PLPPR5: variants seen among roughly 807,000 people sequenced by gnomAD.
PLPPR5 encodes the protein phospholipid phosphatase-related protein type 5.
Under a neutral mutation model 33.9 loss-of-function variants are expected in PLPPR5, and 16 were observed. The observed-to-expected ratio is 0.47, with a 90% CI of 0.32 to 0.72. PLPPR5 has a LOEUF of 0.72. Among genes scored for constraint, PLPPR5 ranks in the 30% least tolerant of loss-of-function variants. PLPPR5 has a pLI of 0.03. For missense variants in PLPPR5, 301 were observed against 406.7 expected (o/e 0.74, Z 2.23); for synonymous variants, 163 against 150.3 (o/e 1.08, Z -0.62).
At chr1:98,969,004 T>A (rs1651552491) in intron 1 of PLPPR5, among the ~76,000 whole-genome samples, 1 of 152,092 alleles carries the variant, frequency 6.6e-6, no homozygotes, top group African/African-American at 2.4e-5. Flanking sequence ...AATTTATGAG[T>A]ATAGTTTCCT....
intron 5 of PLPPR5, among the ~76,000 whole-genome samples, chr1:98,899,605 C>T (rs1276597229): frequency 6.6e-6 from 1 of 150,712 alleles, no homozygotes; most frequent in African/African-American, 2.4e-5. Context: ...TAGAGTTACA[C>T]AATGCATAAA....
intron 1 of PLPPR5, among the ~76,000 whole-genome samples, chr1:98,967,614 TTAATTAATTAAG>T (rs1463624186): frequency 6.6e-6 from 1 of 152,042 alleles, no homozygotes; most frequent in Admixed American, 6.6e-5. Context: ...TCTTAATTAA[TTAATTAATTAAG>T]TCATATAACT....
intron 1 of PLPPR5, among the ~76,000 whole-genome samples, chr1:98,997,139 C>T (rs997532518): frequency 2.6e-5 from 4 of 152,050 alleles, no homozygotes; most frequent in Non-Finnish European, 4.4e-5. Flanking sequence ...AAATTATTAG[C>T]ATTTATGTAA....
rs111643785 is a variant in PLPPR5, at chr1:98,904,032, C to T, written c.933+10754G>A. 3.3e-3 allele frequency among the ~76,000 whole-genome samples: 501 copies of T among 152,160 alleles called. 2 individuals carry two copies. Among genetic ancestry groups the T allele is most frequent in the African/African-American group, 0.012 (478 of 41,528 alleles). On this transcript the variant is annotated intron_variant, in intron 5 of 5. Transcript: ENST00000263177. ...ATCCATATAATTTTTTTGGCAGTTG[C>T]CATGGGAATTAAACATGGTAATTTT...
At chr1:98,903,637 T>TA (rs796585914) in intron 5 of PLPPR5, among the ~76,000 whole-genome samples, 256 of 148,318 alleles carry the variant, frequency 1.7e-3, no homozygotes, top group South Asian at 4.0e-3. Context: ...AGTGTGAAAT[T>TA]AAAAAAAAAA....
At chr1:98,916,736 C>T (rs1313881546) in intron 4 of PLPPR5, among the ~76,000 whole-genome samples, 1 of 152,112 alleles carries the variant, frequency 6.6e-6, no homozygotes, top group Non-Finnish European at 1.5e-5. Flanking sequence ...ACAATAACAA[C>T]GATGATTATT....
At position 99,004,437 on chromosome 1, in the gene PLPPR5, C is replaced by G. The variant is rs369525525; in HGVS notation, c.235G>C (p.Val79Leu). ...YSLAAGVPVL[V>L]IIVGETAVFC... The stretch of plus-strand genomic sequence containing the variant: ...AGGGCGAGCGCCCCCGGGCTTACCA[C>G]GAGCACGGGGACCCCGGCGGCCAGC... The change falls in exon 1 of 6, where the codon GTG becomes CTG. Residue 79 changes from valine to leucine, a missense_variant and splice_region_variant. Coordinates refer to ENST00000263177, the MANE Select transcript of PLPPR5 (RefSeq NM_001037317.2). 2.8e-5 allele frequency: 45 copies of G among 1,602,722 alleles called. No individual in the cohort carries two copies. The South Asian group carries it at 3.0e-4, about 11-fold the overall frequency.
chr1:98,893,746 G>A (rs185490532), intron 5 of PLPPR5, among the ~76,000 whole-genome samples: 1 of 149,130 alleles, frequency 6.7e-6, no homozygotes, highest in East Asian at 2.0e-4. Flanking sequence ...ATACTGCAAT[G>A]AAAAACTACT....
intron 3 of PLPPR5, among the ~76,000 whole-genome samples, chr1:98,931,215 A>T (rs1050826112): frequency 2.0e-5 from 3 of 152,136 alleles, no homozygotes. Flanking sequence ...ATGCTAGCTT[A>T]TATGGGATAG....
intron 5 of PLPPR5, among the ~76,000 whole-genome samples, chr1:98,897,689 T>C (rs954011943): frequency 6.6e-6 from 1 of 152,160 alleles, no homozygotes; most frequent in Non-Finnish European, 1.5e-5. Flanking sequence ...AGCTGTGTGG[T>C]ACAGTGGTCT....
At chr1:98,945,443 T>C (rs1243975799) in intron 3 of PLPPR5, among the ~76,000 whole-genome samples, 2 of 152,164 alleles carry the variant, frequency 1.3e-5, no homozygotes, top group Non-Finnish European at 2.9e-5. Flanking sequence ...CACTGCACTC[T>C]GGGGATAACT....
At position 99,004,591 on chromosome 1, in the gene PLPPR5, C is replaced by T; in HGVS notation, c.81G>A (p.Ala27=). 1.9e-6 allele frequency: 3 copies of T among 1,613,052 alleles called. No homozygotes were observed. Among genetic ancestry groups the T allele is most frequent in the Non-Finnish European group, 2.5e-6 (3 of 1,179,828 alleles). Reference sequence around the variant, plus strand: ...ACGTGTCCGTATACTCGAAGTAGTACGCCAGCATCACCGTCCCTGCCATGA... The same window carrying T: ...ACGTGTCCGTATACTCGAAGTAGTATGCCAGCATCACCGTCCCTGCCATGA... ...MVIMAGTVML[A]YYFEYTDTFT... The change falls in exon 1 of 6, where the codon GCG becomes GCA. Residue 27 remains alanine, a synonymous_variant. Coordinates refer to ENST00000263177, the MANE Select transcript of PLPPR5 (RefSeq NM_001037317.2).
chr1:98,924,876 A>C (rs1203835223), intron 3 of PLPPR5, among the ~76,000 whole-genome samples: 1 of 152,206 alleles, frequency 6.6e-6, no homozygotes, highest in African/African-American at 2.4e-5. Context: ...TGGAGAGTGG[A>C]CAGTGGCTGA....
intron 1 of PLPPR5, among the ~76,000 whole-genome samples, chr1:98,979,330 C>G (rs1316507761): frequency 6.6e-6 from 1 of 152,060 alleles, no homozygotes; most frequent in Non-Finnish European, 1.5e-5. Context: ...GTTTTGGTTG[C>G]ATGACTGTGA....
At chr1:98,922,194 T>C (rs1162953888) in intron 3 of PLPPR5, 136 bp from the exon 4 acceptor site, 5 of 838,242 alleles carry the variant, frequency 6.0e-6, no homozygotes, top group African/African-American at 3.5e-5. Flanking sequence ...CTGGAGTTTA[T>C]GAAGTTTTTG....
intron 4 of PLPPR5, among the ~76,000 whole-genome samples, chr1:98,920,262 G>A (rs1238729509): frequency 6.6e-6 from 1 of 152,064 alleles, no homozygotes; most frequent in Non-Finnish European, 1.5e-5. Flanking sequence ...AAACAAGAAG[G>A]CTGATGAGAT....
intron 2 of PLPPR5, among the ~76,000 whole-genome samples, chr1:98,955,074 G>C (rs1359257711): frequency 2.0e-5 from 3 of 151,976 alleles, no homozygotes; most frequent in African/African-American, 7.2e-5. Flanking sequence ...CTTACCTAAA[G>C]TGCTTACCTA....
In PLPPR5 at chr1:98,953,152, T is replaced by C; in HGVS notation, c.539A>G (p.Asn180Ser). ...FISGEEACTG[N>S]PDLIMRARKT... ...TCGGGCTCTCATGATGAGATCTGGGTTGCCAGTACAGGCCTCTTCCCCACT... is the reference window on the plus strand; with the variant it reads ...TCGGGCTCTCATGATGAGATCTGGGCTGCCAGTACAGGCCTCTTCCCCACT... Residue 180 changes from asparagine (N) to serine (S), a missense_variant, in exon 3 of 6, where the codon AAC (asparagine) becomes AGC (serine). By Grantham distance (46) the Asn-to-Ser change is conservative. Coordinates refer to ENST00000263177, the MANE Select transcript of PLPPR5 (RefSeq NM_001037317.2). 1 of 1,614,124 alleles carries C rather than the reference T, an allele frequency of 6.2e-7. No homozygotes were observed. Among genetic ancestry groups the C allele is most frequent in the South Asian group, 1.1e-5 (1 of 91,080 alleles).
chr1:99,002,463 CT>C (rs917319460), intron 1 of PLPPR5, among the ~76,000 whole-genome samples: 9 of 151,494 alleles, frequency 5.9e-5, no homozygotes, highest in African/African-American at 1.7e-4. Context: ...CCATACCCAC[CT>C]TTTTTTTTGT....
Sources: allele counts gnomAD v4.1 joint callset (sites outside exome capture counted in the v4.1 genomes callset), GRCh38; gene constraint gnomAD v4.1.1; transcripts MANE v1.5; gene names NCBI Gene and HGNC (gene_info 2026-07-23, HGNC 2026-07-21).